The following ENPP3 variants were observed in gnomAD, a reference collection of about 807,000 sequenced individuals.
ENPP3 encodes ectonucleotide pyrophosphatase/phosphodiesterase family member 3.
ENPP3 carries 104 observed loss-of-function variants against 117.8 expected under a neutral mutation model. That is an observed-to-expected ratio of 0.88 (90% CI 0.75 to 1.04). The LOEUF (loss-of-function observed/expected upper bound fraction) is 1.04, where lower values mean the gene tolerates loss of function less well. ENPP3 is among the 50% of genes least tolerant of loss of function. The pLI is 0.00. For missense variants in ENPP3, 1,026 were observed against 1,051.9 expected, an observed-to-expected ratio of 0.98 and a Z score of 0.34; for synonymous variants, 380 against 349.9, an observed-to-expected ratio of 1.09 and a Z score of -0.96.
At chr6:131,695,981 G>A (rs895241808) in intron 15 of ENPP3, among the ~76,000 whole-genome samples, 4 of 151,372 alleles carry the variant, frequency 2.6e-5, no homozygotes, top group African/African-American at 9.7e-5. Context: ...TAAAACACAA[G>A]CCTCCAGCTA....
At position 131,674,335 on chromosome 6, in the gene ENPP3, C is replaced by T. The variant is rs1778818197; in HGVS notation, c.762+54C>T. 5 of 1,558,122 alleles carry T rather than the reference C, an allele frequency of 3.2e-6. No homozygotes were observed. In the African/African-American group the frequency reaches 6.8e-5, roughly 21 times the overall value. On this transcript the variant is annotated intron_variant, in intron 8 of 24. Transcript: ENST00000357639. ...AAGTAACCTCCATTTCTCAGTGTGACAGGAGGACACTCTTCTCACTCAGTG... is the reference window on the plus strand; with the variant it reads ...AAGTAACCTCCATTTCTCAGTGTGATAGGAGGACACTCTTCTCACTCAGTG...
chr6:131,670,768 AG>A (rs1233434104), intron 6 of ENPP3, among the ~76,000 whole-genome samples: 2 of 152,194 alleles, frequency 1.3e-5, no homozygotes, highest in African/African-American at 2.4e-5. Flanking sequence ...CTGAGATTAC[AG>A]GTGTGAGCCT....
intron 5 of ENPP3, 57 bp downstream of exon 5, chr6:131,652,948 A>G (rs1778296935): frequency 4.2e-6 from 5 of 1,200,216 alleles, no homozygotes; most frequent in Non-Finnish European, 6.2e-6. Context: ...GCACATAAGA[A>G]TGTAGTTAGT....
chr6:131,653,314 T>C (rs199876524), intron 5 of ENPP3, among the ~76,000 whole-genome samples: 20 of 65,890 alleles, frequency 3.0e-4, no homozygotes, highest in African/African-American at 1.5e-3. Flanking sequence ...TTTTCTCTCT[T>C]TTTTTTTTTT....
At chr6:131,734,452 C>G (rs1387556274) in intron 21 of ENPP3, among the ~76,000 whole-genome samples, 1 of 151,992 alleles carries the variant, frequency 6.6e-6, no homozygotes, top group South Asian at 2.1e-4. Context: ...TTAAAGATTC[C>G]GAAATGTATA....
At chr6:131,682,819 C>T (rs187849036) in intron 11 of ENPP3, among the ~76,000 whole-genome samples, 5 of 152,226 alleles carry the variant, frequency 3.3e-5, no homozygotes, top group Admixed American at 6.5e-5. Context: ...TATTTATTGG[C>T]CAGCAGTCTA....
intron 19 of ENPP3, among the ~76,000 whole-genome samples, chr6:131,725,054 CAAAAA>C (rs34304450): frequency 1.1e-3 from 100 of 87,428 alleles, no homozygotes; most frequent in African/African-American, 3.1e-3. Context: ...ACTAAAAATA[CAAAAA>C]AAAAAAAAAA....
chr6:131,728,884 T>G (rs1026315313), intron 20 of ENPP3, among the ~76,000 whole-genome samples: 5 of 152,222 alleles, frequency 3.3e-5, no homozygotes, highest in Admixed American at 2.6e-4. Flanking sequence ...CTTCTGGGCC[T>G]GTTCAGAAGG....
intron 6 of ENPP3, among the ~76,000 whole-genome samples, chr6:131,659,343 G>A (rs1236742336): frequency 6.6e-6 from 1 of 152,000 alleles, no homozygotes; most frequent in African/African-American, 2.4e-5. Flanking sequence ...GCTAAGAAGT[G>A]GCATAGTTAG....
At chr6:131,732,042 A>G (rs1780292073) in intron 20 of ENPP3, among the ~76,000 whole-genome samples, 1 of 152,210 alleles carries the variant, frequency 6.6e-6, no homozygotes, top group South Asian at 2.1e-4. Flanking sequence ...GACAGCATAC[A>G]GTGTATGTTG....
At chr6:131,652,798 C>T (rs1256055464) in intron 4 of ENPP3, 33 bp from the exon 5 acceptor site, 2 of 1,597,220 alleles carry the variant, frequency 1.3e-6, no homozygotes, top group Non-Finnish European at 1.7e-6. Flanking sequence ...TGTGCTGCAG[C>T]AAGTATCAAG....
At chr6:131,650,324 A>C (rs1241494018) in intron 3 of ENPP3, among the ~76,000 whole-genome samples, 175 bp downstream of exon 3, 2 of 151,646 alleles carry the variant, frequency 1.3e-5, no homozygotes, top group African/African-American at 4.8e-5. Context: ...GGTCCAATTG[A>C]TCTTTCCACC....
intron 6 of ENPP3, among the ~76,000 whole-genome samples, chr6:131,670,740 T>C (rs1169055777): frequency 6.6e-6 from 1 of 152,082 alleles, no homozygotes; most frequent in Non-Finnish European, 1.5e-5. Context: ...TGATCTGCCG[T>C]CTCAGCCTCC....
intron 6 of ENPP3, among the ~76,000 whole-genome samples, chr6:131,659,214 G>A (rs1778447675): frequency 6.6e-6 from 1 of 152,118 alleles, no homozygotes; most frequent in African/African-American, 2.4e-5. Context: ...TTGGGAGGTG[G>A]AGGCTAGAGC....
At chr6:131,690,768 T>G (rs955943545) in intron 14 of ENPP3, among the ~76,000 whole-genome samples, 1 of 151,932 alleles carries the variant, frequency 6.6e-6, no homozygotes, top group Admixed American at 6.6e-5. Flanking sequence ...ATGATCACTC[T>G]GTTTTTCTCT....
chr6:131,655,218 A>C (rs1230897485), intron 5 of ENPP3, among the ~76,000 whole-genome samples: 1 of 152,230 alleles, frequency 6.6e-6, no homozygotes, highest in Admixed American at 6.5e-5. Flanking sequence ...GGTTCAAATT[A>C]CACAGTCAAT....
At chr6:131,720,545 A>G (rs1362200204) in intron 17 of ENPP3, among the ~76,000 whole-genome samples, 166 bp downstream of exon 17, 2 of 152,194 alleles carry the variant, frequency 1.3e-5, no homozygotes, top group East Asian at 1.9e-4. Context: ...TTATTCAGCT[A>G]TAAGAGTGAA....
intron 3 of ENPP3, among the ~76,000 whole-genome samples, chr6:131,651,997 T>A (rs1264376644): frequency 6.6e-6 from 1 of 152,200 alleles, no homozygotes; most frequent in Non-Finnish European, 1.5e-5. Context: ...GCAATGGGAT[T>A]TATTGAAACT....
intron 4 of ENPP3, 80 bp downstream of exon 4, chr6:131,652,747 C>A: frequency 6.3e-7 from 1 of 1,596,878 alleles, no homozygotes; most frequent in Non-Finnish European, 8.6e-7. Context: ...TGCTAGGCTG[C>A]AAAAATCAAA....
Sources: allele counts gnomAD v4.1 joint callset (sites outside exome capture counted in the v4.1 genomes callset), GRCh38; gene constraint gnomAD v4.1.1; transcripts MANE v1.5; gene names NCBI Gene and HGNC (gene_info 2026-07-23, HGNC 2026-07-21).